Variants in LBP observed in about 807,000 individuals in gnomAD.
LBP encodes lipopolysaccharide-binding protein.
In LBP, 53 loss-of-function variants were observed where a neutral mutation model predicts 56.6. That is an observed-to-expected ratio of 0.94 (90% CI 0.75 to 1.18). LBP has a LOEUF of 1.18. Ranked by LOEUF, LBP falls within the 50% of genes most tolerant of loss-of-function variation. The pLI is 0.00. For missense variants in LBP, 601 were observed against 598.3 expected (o/e 1.00, Z -0.05); for synonymous variants, 227 against 247.5 (o/e 0.92, Z 0.78).
chr20:38,364,538 C>A (rs77224292), intron 7 of LBP, 38 bp from the exon 8 acceptor site: 1 of 1,607,968 alleles, frequency 6.2e-7, no homozygotes, highest in South Asian at 1.1e-5. Flanking sequence ...CCACGATAGG[C>A]TTTGAAAAGT....
At chr20:38,362,570 G>T (rs11536965) in intron 6 of LBP, among the ~76,000 whole-genome samples, 9,453 of 151,466 alleles carry the variant, frequency 0.062, 340 homozygotes, top group South Asian at 0.13. Flanking sequence ...TTGAGATTGT[G>T]CTACTGCACT....
At chr20:38,369,431 T>C (rs1052881153) in intron 10 of LBP, among the ~76,000 whole-genome samples, 1 of 152,240 alleles carries the variant, frequency 6.6e-6, no homozygotes, top group Non-Finnish European at 1.5e-5. Context: ...ATTTGTTTAA[T>C]GCATGTATCT....
chr20:38,352,387 G>A (rs1431297211), intron 3 of LBP, among the ~76,000 whole-genome samples: 1 of 152,130 alleles, frequency 6.6e-6, no homozygotes, highest in South Asian at 2.1e-4. Context: ...AAAAGTGCCT[G>A]GTACAAGTTG....
In LBP at chr20:38,360,642, C is replaced by T. The variant is rs1008648798; in HGVS notation, c.589-62C>T. ...TGTGGAATAATGTGACTGCAGTGAT[C>T]AGCACGGGGCCAGACCAGAGCTGGG... On this transcript the variant is annotated intron_variant, in intron 5 of 14. Coordinates refer to ENST00000217407, the MANE Select transcript of LBP (RefSeq NM_004139.5). 1.5e-5 allele frequency: 17 copies of T among 1,115,094 alleles called. No individual in the cohort carries two copies. In the Admixed American group the frequency reaches 3.0e-4, roughly 19 times the overall value. The allele number at this position is 1,115,094 out of a possible 1,614,324, so 69.1% of individuals were successfully genotyped here. A position where few individuals can be genotyped will look rare whatever the true frequency, so the allele number is the denominator to read the frequency against.
At chr20:38,354,568 TG>T in intron 4 of LBP, 129 bp downstream of exon 4, 1 of 724,218 alleles carries the variant, frequency 1.4e-6, no homozygotes. Flanking sequence ...GATCATTCTC[TG>T]GGGAACCCTG....
intron 5 of LBP, among the ~76,000 whole-genome samples, chr20:38,358,383 G>C (rs1002387372): frequency 1.5e-4 from 23 of 152,112 alleles, no homozygotes; most frequent in Admixed American, 1.1e-3. Flanking sequence ...TGCAACTCAG[G>C]CATCCCATGC....
chr20:38,366,819 C>T lies in LBP; in HGVS notation c.972C>T (p.Phe324=), dbSNP rs5744211. 100 of 1,614,054 alleles carry T rather than the reference C, an allele frequency of 6.2e-5. No homozygotes were observed. In the African/African-American group the frequency reaches 1.2e-3, roughly 19 times the overall value. ...TGACCACCAAGTCCTTCCGACCCTTCGTCCCACGGGTAAGGAGTCCCTTAG... is the reference window on the plus strand; with the variant it reads ...TGACCACCAAGTCCTTCCGACCCTTTGTCCCACGGGTAAGGAGTCCCTTAG... ...IRLTTKSFRP[F]VPRLARLYPN... The change falls in exon 9 of 15, where the codon TTC becomes TTT. Residue 324 remains phenylalanine, a synonymous_variant. Transcript: ENST00000217407.
Position 38,355,410 on chromosome 20 carries a change from G to T in LBP, c.588+1G>T. 6.2e-7 allele frequency: 1 copy of T among 1,613,372 alleles called. No homozygotes were observed. Among genetic ancestry groups the T allele is most frequent in the Non-Finnish European group, 8.5e-7 (1 of 1,179,770 alleles). Reference sequence around the variant, plus strand: ...GTTCCAGAAAGTACTGGAGAGCAGGGTAAGAAGGTCCAAGCCTCTGGCCTC... The same window carrying T: ...GTTCCAGAAAGTACTGGAGAGCAGGTTAAGAAGGTCCAAGCCTCTGGCCTC... On this transcript the variant is annotated splice_donor_variant, in intron 5 of 14. Coordinates refer to ENST00000217407, the MANE Select transcript of LBP (RefSeq NM_004139.5). LOFTEE classifies it high-confidence loss of function.
rs2076887169 is a variant in LBP at position 38,367,736 on chromosome 20, T to G, written c.981+908T>G. On this transcript the variant is annotated intron_variant, in intron 9 of 14. Coordinates refer to ENST00000217407, the MANE Select transcript of LBP (RefSeq NM_004139.5). ...TTTTACCCCCTCAGCCTTCCAAATG[T>G]CTCCCTTCTAGAAGAGGATGTAGGT... Among the ~76,000 whole-genome samples, 2 of 152,200 alleles carry G rather than the reference T, an allele frequency of 1.3e-5. 1 individual carries two copies. The highest frequency in any genetic ancestry group is 4.1e-4 in the South Asian group (2 of 4,836).
Position 38,352,050 on chromosome 20 carries a change from A to AG in LBP, c.368+1111_368+1112insG, listed in dbSNP as rs559170776. Among the ~76,000 whole-genome samples the AG allele has an allele frequency of 4.0e-3, 614 of 151,906 alleles. 3 individuals are homozygous for AG. The highest frequency in any genetic ancestry group is 0.014 in the African/African-American group (585 of 41,454). ...GAGACTCCATCTCTAAAAAAAAAAA[A>AG]AAAGAAAAAAGAAAGGAAAGAAACC... On this transcript the variant is annotated intron_variant, in intron 3 of 14. Coordinates refer to ENST00000217407, the MANE Select transcript of LBP (RefSeq NM_004139.5).
intron 5 of LBP, among the ~76,000 whole-genome samples, chr20:38,360,064 C>A (rs987491359): frequency 2.0e-5 from 3 of 152,042 alleles, no homozygotes; most frequent in Non-Finnish European, 4.4e-5. Flanking sequence ...CCAGCCTGGC[C>A]AACATGGTGA....
At chr20:38,365,480 T>C (rs769808528) in intron 8 of LBP, among the ~76,000 whole-genome samples, 2 of 151,592 alleles carry the variant, frequency 1.3e-5, no homozygotes, top group African/African-American at 4.8e-5. Flanking sequence ...GCGGATCACC[T>C]GAGGTCACGA....
At chr20:38,352,008 A>C (rs1007250736) in intron 3 of LBP, among the ~76,000 whole-genome samples, 1 of 151,768 alleles carries the variant, frequency 6.6e-6, no homozygotes, top group East Asian at 1.9e-4. Flanking sequence ...ACTGTACTCC[A>C]GCCTGGGGGA....
chr20:38,365,710 A>T (rs2076878626), intron 8 of LBP, among the ~76,000 whole-genome samples: 1 of 42,788 alleles, frequency 2.3e-5, no homozygotes, highest in African/African-American at 6.7e-5. Context: ...AAAAAAAAAA[A>T]AAAAAAAATA....
At chr20:38,348,951 G>T (rs1194551673) in intron 1 of LBP, among the ~76,000 whole-genome samples, 1 of 152,024 alleles carries the variant, frequency 6.6e-6, no homozygotes, top group Non-Finnish European at 1.5e-5. Flanking sequence ...CTGCCACCAT[G>T]CCCGGCTAAT....
At chr20:38,373,217 C>A in intron 13 of LBP, 82 bp downstream of exon 13, 1 of 1,213,672 alleles carries the variant, frequency 8.2e-7, no homozygotes, top group Non-Finnish European at 1.2e-6. Context: ...GAAAACAGGG[C>A]TCTCCTGGGG....
At chr20:38,359,230 G>T (rs928825513) in intron 5 of LBP, among the ~76,000 whole-genome samples, 2 of 151,080 alleles carry the variant, frequency 1.3e-5, no homozygotes, top group Non-Finnish European at 3.0e-5. Context: ...TGGTTTTTTG[G>T]TTTTTTTTGC....
At chr20:38,361,400 AT>A (rs2076859693) in intron 6 of LBP, among the ~76,000 whole-genome samples, 1 of 151,978 alleles carries the variant, frequency 6.6e-6, no homozygotes, top group African/African-American at 2.4e-5. Context: ...TAGTATAGGC[AT>A]TGTTCCAGAT....
chr20:38,370,601 A>G (rs895857579), intron 10 of LBP, 137 bp from the exon 11 acceptor site: 15 of 734,690 alleles, frequency 2.0e-5, no homozygotes, highest in Non-Finnish European at 3.4e-5. Flanking sequence ...CTGGGAGTCT[A>G]TGATCTAGTG....
Sources: gnomAD v4.1 joint callset for allele counts (sites outside exome capture counted in the v4.1 genomes callset) on GRCh38, gnomAD v4.1.1 for gene constraint, MANE v1.5 for transcripts, NCBI Gene and HGNC (gene_info 2026-07-23, HGNC 2026-07-21) for gene names.